Variants in CTNNA2 observed in about 807,000 individuals in gnomAD.
CTNNA2 encodes the protein catenin alpha-2.
CTNNA2 carries 42 observed loss-of-function variants against 101.0 expected under a neutral mutation model. The ratio of observed to expected loss-of-function variants is 0.42; its 90% CI spans 0.32 to 0.54. The LOEUF (loss-of-function observed/expected upper bound fraction) is 0.54. Among genes scored for constraint, CTNNA2 ranks in the 20% least tolerant of loss-of-function variants. The pLI, the probability that CTNNA2 is intolerant of heterozygous loss-of-function variation, is 0.14. For missense variants in CTNNA2, 871 were observed against 1,223.1 expected (o/e 0.71, Z 4.29); for synonymous variants, 450 against 456.4 (o/e 0.99, Z 0.18).
chr2:80,437,021 T>G (rs1031036343), intron 9 of CTNNA2, among the ~76,000 whole-genome samples: 1 of 152,184 alleles, frequency 6.6e-6, no homozygotes, highest in African/African-American at 2.4e-5. Flanking sequence ...TTCATCCTCA[T>G]AAATGATATT....
intron 2 of CTNNA2, among the ~76,000 whole-genome samples, chr2:79,655,160 A>G (rs1216099183): frequency 6.6e-6 from 1 of 152,210 alleles, no homozygotes; most frequent in East Asian, 1.9e-4. Flanking sequence ...ATCTGGTCTA[A>G]AAGGTACTTC....
At chr2:79,837,010 A>AT (rs375611007) in intron 3 of CTNNA2, among the ~76,000 whole-genome samples, 16 of 152,320 alleles carry the variant, frequency 1.1e-4, no homozygotes, top group African/African-American at 3.8e-4. Flanking sequence ...GTAAGGACGA[A>AT]TTCGTAAGTA....
rs70940088 is a variant in CTNNA2, at chr2:80,569,633, G to GTT, written c.1742-4504_1742-4503dup. On this transcript the variant is annotated intron_variant, in intron 12 of 18. Coordinates refer to ENST00000402739, the MANE Select transcript of CTNNA2 (RefSeq NM_001282597.3). ...TCAGTATTACTTTTGGGGTATTTAGGTTTTTTTTTTTTTTTTTTTTTTTTT... is the reference window on the plus strand; with the variant it reads ...TCAGTATTACTTTTGGGGTATTTAGGTTTTTTTTTTTTTTTTTTTTTTTTTTT... 4.9e-3 allele frequency among the ~76,000 whole-genome samples: 251 copies of GTT among 51,718 alleles called. 54 individuals carry two copies. The highest frequency in any genetic ancestry group is 0.035 in the Admixed American group (119 of 3,442). The allele number at this position is 51,718 out of a possible 152,430, so 33.9% of individuals were successfully genotyped here.
chr2:79,899,786 TA>T (rs1277284426), intron 6 of CTNNA2, among the ~76,000 whole-genome samples: 1 of 152,228 alleles, frequency 6.6e-6, no homozygotes, highest in Admixed American at 6.5e-5. Context: ...AAGGCAAATC[TA>T]AAATGGTGGT....
intron 2 of CTNNA2, among the ~76,000 whole-genome samples, chr2:79,239,939 T>C (rs913097798): frequency 4.0e-4 from 61 of 151,554 alleles, no homozygotes; most frequent in African/African-American, 1.4e-3. Flanking sequence ...TTTCTTTCTT[T>C]TTTTTTTTTT....
intron 9 of CTNNA2, among the ~76,000 whole-genome samples, chr2:80,472,656 G>A (rs1278498426): frequency 6.6e-6 from 1 of 152,156 alleles, no homozygotes; most frequent in Non-Finnish European, 1.5e-5. Context: ...AAGGAACTGT[G>A]TTGAGGGTTG....
At chr2:80,036,721 G>T (rs1164308825) in intron 7 of CTNNA2, among the ~76,000 whole-genome samples, 1 of 152,024 alleles carries the variant, frequency 6.6e-6, no homozygotes, top group Non-Finnish European at 1.5e-5. Flanking sequence ...GATCCTGGTG[G>T]GTGGGGAAGC....
chr2:80,020,226 C>A (rs111376634), intron 7 of CTNNA2, among the ~76,000 whole-genome samples: 4,075 of 152,178 alleles, frequency 0.027, 81 homozygotes, highest in Non-Finnish European at 0.041. Flanking sequence ...TTGCAAAAGA[C>A]CAAGGGGAAG....
chr2:80,006,128 A>C (rs1693324719), intron 7 of CTNNA2, among the ~76,000 whole-genome samples: 2 of 152,084 alleles, frequency 1.3e-5, no homozygotes, highest in Non-Finnish European at 2.9e-5. Flanking sequence ...TTTAAGGAAA[A>C]ACTTATGGAC....
chr2:80,339,651 G>T (rs1371311794), intron 7 of CTNNA2, among the ~76,000 whole-genome samples: 1 of 152,064 alleles, frequency 6.6e-6, no homozygotes, highest in Non-Finnish European at 1.5e-5. Flanking sequence ...CCTACCATGG[G>T]TTTGGTGCTA....
intron 7 of CTNNA2, among the ~76,000 whole-genome samples, chr2:79,951,278 C>T (rs1288801392): frequency 6.6e-6 from 1 of 152,168 alleles, no homozygotes; most frequent in Non-Finnish European, 1.5e-5. Context: ...TATACACAGC[C>T]ACCCCGCCCA....
intron 4 of CTNNA2, among the ~76,000 whole-genome samples, chr2:79,385,527 T>C (rs1164943532): frequency 6.6e-6 from 1 of 152,074 alleles, no homozygotes; most frequent in East Asian, 1.9e-4. Flanking sequence ...TTATTTTATT[T>C]TGTTTTACTT....
chr2:79,991,179 G>A (rs1032820973), intron 7 of CTNNA2, among the ~76,000 whole-genome samples: 1 of 151,610 alleles, frequency 6.6e-6, no homozygotes, highest in Non-Finnish European at 1.5e-5. Flanking sequence ...TTCTTTATTA[G>A]TCTTGCTAGC....
intron 1 of CTNNA2, among the ~76,000 whole-genome samples, chr2:79,615,301 A>C (rs942938410): frequency 2.6e-5 from 4 of 152,140 alleles, no homozygotes; most frequent in Admixed American, 2.6e-4. Context: ...TTCATTACTC[A>C]TATTTATGAC....
At chr2:79,413,808 G>A (rs1678444755) in intron 4 of CTNNA2, among the ~76,000 whole-genome samples, 1 of 151,692 alleles carries the variant, frequency 6.6e-6, no homozygotes, top group African/African-American at 2.4e-5. Context: ...TGCATATCCT[G>A]ATGATTAATG....
At chr2:79,537,828 A>T (rs1458503499) in intron 1 of CTNNA2, among the ~76,000 whole-genome samples, 2 of 151,570 alleles carry the variant, frequency 1.3e-5, no homozygotes, top group East Asian at 3.9e-4. Flanking sequence ...AGTTATGCAT[A>T]CAACTTTCCT....
At chr2:79,422,884 A>G (rs1476118701) in intron 4 of CTNNA2, among the ~76,000 whole-genome samples, 3 of 152,228 alleles carry the variant, frequency 2.0e-5, no homozygotes, top group African/African-American at 4.8e-5. Flanking sequence ...CCAGATCATC[A>G]TTAATTTTTT....
At chr2:79,520,210 A>T (rs1050035901) in intron 1 of CTNNA2, among the ~76,000 whole-genome samples, 1 of 152,226 alleles carries the variant, frequency 6.6e-6, no homozygotes, top group African/African-American at 2.4e-5. Context: ...CAGCAGTGCG[A>T]TCAAGATACA....
chr2:80,275,676 AT>A (rs1239327619), intron 7 of CTNNA2, among the ~76,000 whole-genome samples: 2 of 152,140 alleles, frequency 1.3e-5, no homozygotes, highest in African/African-American at 4.8e-5. Flanking sequence ...AGAGAATATT[AT>A]TCTGTCACTC....
Sources: allele counts gnomAD v4.1 joint callset (sites outside exome capture counted in the v4.1 genomes callset), GRCh38; gene constraint gnomAD v4.1.1; transcripts MANE v1.5; gene names NCBI Gene and HGNC (gene_info 2026-07-23, HGNC 2026-07-21).